The following FIG4 variants were observed in gnomAD, a reference collection of about 807,000 sequenced individuals.
FIG4 encodes FIG4 phosphoinositide 5-phosphatase, also known as polyphosphoinositide phosphatase.
FIG4 carries 112 observed loss-of-function variants against 118.6 expected under a neutral mutation model. The ratio of observed to expected loss-of-function variants is 0.94; its 90% CI spans 0.81 to 1.11. The LOEUF (loss-of-function observed/expected upper bound fraction) is 1.11. Among genes scored for constraint, FIG4 ranks in the 50% least tolerant of loss-of-function variants. FIG4 has a pLI of 0.00. For missense variants in FIG4, 969 were observed against 1,111.7 expected, an observed-to-expected ratio of 0.87 and a Z score of 1.83; for synonymous variants, 369 against 381.2, an observed-to-expected ratio of 0.97 and a Z score of 0.37.
chr6:109,814,712 T>G (rs1778813090), intron 22 of FIG4, among the ~76,000 whole-genome samples: 1 of 152,216 alleles, frequency 6.6e-6, no homozygotes, highest in Non-Finnish European at 1.5e-5. Flanking sequence ...CAGCCTGGCT[T>G]CTGTGTTCTT....
chr6:109,738,285 TTTGTG>T, intron 6 of FIG4, 35 bp from the exon 7 acceptor site: 1 of 1,529,982 alleles, frequency 6.5e-7, no homozygotes, highest in South Asian at 1.1e-5. Flanking sequence ...TACAAAATAT[TTTGTG>T]TATTTATGGA....
Position 109,765,129 on chromosome 6 carries a change from A to T in FIG4, c.1551A>T (p.Lys517Asn). ...YQLYSLGLIDKPNLQFDTDAV... is the reference protein window; with the variant it reads ...YQLYSLGLIDNPNLQFDTDAV... ...TGTATTCACTGGGACTGATTGACAA[A>T]CCTAATCTACAGTTTGATACAGATG... Residue 517 changes from lysine (K) to asparagine (N), a missense_variant, in exon 14 of 23, where the codon AAA becomes AAT. By Grantham distance (94) the Lys-to-Asn change is moderately conservative (BLOSUM62 0). Around this residue, in one of 3 missense-constraint regions of FIG4, gnomAD observed 246 missense variants for 354.3 expected, o/e 0.69. Coordinates refer to ENST00000230124, the MANE Select transcript of FIG4 (RefSeq NM_014845.6). 3 of 1,614,032 alleles carry T rather than the reference A, an allele frequency of 1.9e-6. No homozygotes were observed. The South Asian group carries it at 3.3e-5, about 18-fold the overall frequency.
At chr6:109,765,187 A>G (rs1233723228) in intron 14 of FIG4, 26 bp downstream of exon 14, 12 of 1,607,458 alleles carry the variant, frequency 7.5e-6, no homozygotes, top group African/African-American at 1.3e-5. Flanking sequence ...TGCTATTTGA[A>G]TGCTGATAAT....
intron 22 of FIG4, among the ~76,000 whole-genome samples, chr6:109,808,943 G>T (rs1211244522): frequency 6.6e-6 from 1 of 152,158 alleles, no homozygotes; most frequent in Non-Finnish European, 1.5e-5. Flanking sequence ...GGGTGAACCA[G>T]TATTTTCCAA....
intron 1 of FIG4, among the ~76,000 whole-genome samples, chr6:109,705,702 C>A (rs1487935303): frequency 6.6e-6 from 1 of 152,194 alleles, no homozygotes; most frequent in African/African-American, 2.4e-5. Flanking sequence ...TTTAAAATCA[C>A]AAACTGCCAA....
chr6:109,753,749 T>C (rs1352811627), intron 10 of FIG4, among the ~76,000 whole-genome samples: 2 of 152,276 alleles, frequency 1.3e-5, no homozygotes, highest in East Asian at 3.9e-4. Flanking sequence ...CTGTCTGTTA[T>C]TGGTGTATAA....
In FIG4 at chr6:109,724,373, C is replaced by G. The variant is rs1010770281; in HGVS notation, c.290-2736C>G. On this transcript the variant is annotated intron_variant, in intron 3 of 22. Coordinates refer to ENST00000230124, the MANE Select transcript of FIG4 (RefSeq NM_014845.6). ...TTATCTTCAGATGAAATTAGACCTC[C>G]GTTCAGCTGTGTACCTTGCCTGCAT... Among the ~76,000 whole-genome samples, 3 of 152,282 alleles carry G rather than the reference C, an allele frequency of 2.0e-5. No homozygotes were observed. The East Asian group carries it at 5.8e-4, about 29-fold the overall frequency.
Position 109,789,633 on chromosome 6 carries a change from A to G in FIG4, c.2136A>G (p.Pro712=), listed in dbSNP as rs756103574. 2 of 1,613,720 alleles carry G rather than the reference A, an allele frequency of 1.2e-6. No individual in the cohort carries two copies. Among genetic ancestry groups the G allele is most frequent in the South Asian group, 1.1e-5 (1 of 91,076 alleles). The change falls in exon 19 of 23, where the codon CCA becomes CCG. Residue 712 remains proline, a synonymous_variant. Transcript: ENST00000230124. ...MPKTVGIDPS[P]FTVRKPDETG... ...AGACCGTTGGAATTGATCCAAGTCC[A>G]TTTACTGTGCGTAAACCAGATGAAA...
chr6:109,812,258 C>A (rs988544157), intron 22 of FIG4, among the ~76,000 whole-genome samples: 5 of 152,112 alleles, frequency 3.3e-5, no homozygotes, highest in Non-Finnish European at 7.3e-5. Flanking sequence ...CAGTCTCAGG[C>A]AGTTCTTTAT....
At chr6:109,697,560 A>G (rs996517810) in intron 1 of FIG4, among the ~76,000 whole-genome samples, 2 of 152,114 alleles carry the variant, frequency 1.3e-5, no homozygotes, top group Non-Finnish European at 2.9e-5. Flanking sequence ...ATCCAGAGAG[A>G]GTTATGCAAG....
At chr6:109,734,374 T>G (rs949484349) in intron 5 of FIG4, among the ~76,000 whole-genome samples, 8 of 150,968 alleles carry the variant, frequency 5.3e-5, no homozygotes, top group Non-Finnish European at 1.5e-5. Flanking sequence ...ACACTATACA[T>G]ATATATAGTA....
At chr6:109,763,208 A>G (rs1041815014) in intron 12 of FIG4, among the ~76,000 whole-genome samples, 1 of 152,186 alleles carries the variant, frequency 6.6e-6, no homozygotes, top group Admixed American at 6.5e-5. Context: ...TCTACAAACC[A>G]TTTCAGCACA....
Position 109,773,971 on chromosome 6 carries a change from GCTC to G in FIG4, c.1751-2950_1751-2948del, listed in dbSNP as rs1777542192. Among the ~76,000 whole-genome samples, 3 of 152,096 alleles carry G rather than the reference GCTC, an allele frequency of 2.0e-5. No homozygotes were observed. In the South Asian group the frequency reaches 6.2e-4, roughly 32 times the overall value. On this transcript the variant is annotated intron_variant, in intron 15 of 22. Transcript: ENST00000230124. Reference sequence around the variant, plus strand: ...CTATAGGCGTGTGCCACCATGCCCAGCTCATATTTTTTATTATTTTTGTAGAGA... The same window carrying G: ...CTATAGGCGTGTGCCACCATGCCCAGATATTTTTTATTATTTTTGTAGAGA...
At chr6:109,814,948 A>ATG (rs1778819715) in intron 22 of FIG4, among the ~76,000 whole-genome samples, 1 of 152,202 alleles carries the variant, frequency 6.6e-6, no homozygotes, top group Admixed American at 6.5e-5. Context: ...TCACAAATTT[A>ATG]TGTGTACATG....
At chr6:109,742,760 ATTC>A (rs370475384) in intron 8 of FIG4, among the ~76,000 whole-genome samples, 3 of 151,994 alleles carry the variant, frequency 2.0e-5, no homozygotes, top group African/African-American at 7.2e-5. Flanking sequence ...GAATTTTGAT[ATTC>A]TTCTAGTCTT....
At chr6:109,820,359 A>G (rs1778970643) in intron 22 of FIG4, among the ~76,000 whole-genome samples, 1 of 152,224 alleles carries the variant, frequency 6.6e-6, no homozygotes, top group Non-Finnish European at 1.5e-5. Flanking sequence ...GCAATACCTG[A>G]TTAGCCACAT....
intron 22 of FIG4, among the ~76,000 whole-genome samples, chr6:109,800,228 T>C (rs566296918): frequency 2.0e-5 from 3 of 152,250 alleles, no homozygotes; most frequent in South Asian, 4.2e-4. Context: ...TGCTTTCCAA[T>C]CACTGGGGTA....
intron 22 of FIG4, among the ~76,000 whole-genome samples, chr6:109,808,871 A>G (rs540304079): frequency 6.6e-6 from 1 of 152,308 alleles, no homozygotes; most frequent in African/African-American, 2.4e-5. Flanking sequence ...TAGCAGTCTT[A>G]ACAAATGTGA....
At chr6:109,780,392 T>G (rs923659855) in intron 16 of FIG4, among the ~76,000 whole-genome samples, 1 of 152,132 alleles carries the variant, frequency 6.6e-6, no homozygotes, top group African/African-American at 2.4e-5. Context: ...TTTGTATTTT[T>G]GGTAGAGACT....
Sources: gnomAD v4.1 joint callset for allele counts (sites outside exome capture counted in the v4.1 genomes callset) on GRCh38, gnomAD v4.1.1 for gene constraint, gnomAD v4.1.1 regional missense constraint, MANE v1.5 for transcripts, NCBI Gene and HGNC (gene_info 2026-07-23, HGNC 2026-07-21) for gene names.